ST18: variants seen among roughly 807,000 people sequenced by gnomAD.
ST18 encodes ST18 C2H2C-type zinc finger transcription factor, also known as suppression of tumorigenicity 18 protein.
Under a neutral mutation model 110.0 loss-of-function variants are expected in ST18, and 50 were observed. The observed-to-expected ratio is 0.45, with a 90% CI of 0.36 to 0.58. The LOEUF is 0.58. ST18 is among the 20% of genes least tolerant of loss of function. The pLI is 0.00. For synonymous variants in ST18, 461 were observed against 452.4 expected, an observed-to-expected ratio of 1.02 and a Z score of -0.24; for missense variants, 1,306 against 1,280.1, an observed-to-expected ratio of 1.02 and a Z score of -0.31.
intron 3 of ST18, among the ~76,000 whole-genome samples, chr8:52,228,090 T>G (rs965420871): frequency 6.6e-6 from 1 of 152,232 alleles, no homozygotes; most frequent in Non-Finnish European, 1.5e-5. Flanking sequence ...TTGATTGCTA[T>G]GCCAGTTAAG....
At chr8:52,262,014 G>A (rs543268069) in intron 2 of ST18, among the ~76,000 whole-genome samples, 59 of 152,278 alleles carry the variant, frequency 3.9e-4, no homozygotes, top group African/African-American at 1.4e-3. Flanking sequence ...TTAAGCTTAT[G>A]GTTTTGCAGA....
In ST18 at chr8:52,218,480, C is replaced by T. The variant is rs553789721; in HGVS notation, c.-156-579G>A. Among the ~76,000 whole-genome samples, 34 of 150,702 alleles carry T rather than the reference C, an allele frequency of 2.3e-4. No homozygotes were observed. In the East Asian group the frequency reaches 2.3e-3, roughly 10 times the overall value. On this transcript the variant is annotated intron_variant, in intron 5 of 25. Transcript: ENST00000689386. ...TCACTGCAACCTCACCTCTGCCTCC[C>T]GGGTTCAAGCGGTTCTCCTGCCTCA... is the stretch of plus-strand genomic sequence containing the variant.
At chr8:52,212,535 G>A (rs1472040364) in intron 7 of ST18, among the ~76,000 whole-genome samples, 1 of 152,080 alleles carries the variant, frequency 6.6e-6, no homozygotes, top group Non-Finnish European at 1.5e-5. Context: ...TATGTCCCAT[G>A]CTTTTACTCA....
chr8:52,197,652 A>C (rs555216690), intron 8 of ST18, among the ~76,000 whole-genome samples: 11 of 152,200 alleles, frequency 7.2e-5, no homozygotes, highest in Non-Finnish European at 1.6e-4. Flanking sequence ...GAAGAAGGAA[A>C]GATAAAATAA....
In ST18 at chr8:52,233,729, A is replaced by G. The variant is rs113394939; in HGVS notation, c.-464-3652T>C. ...TATTTTCATTGGCTTTCACCAGCCA[A>G]TTGGCTTCTCTCTAGATAACAGTGT... On this transcript the variant is annotated intron_variant, in intron 2 of 25. Coordinates refer to ENST00000689386, the MANE Select transcript of ST18 (RefSeq NM_001352837.2). 5.5e-3 allele frequency among the ~76,000 whole-genome samples: 831 copies of G among 152,318 alleles called. 8 individuals are homozygous for G. Among genetic ancestry groups the G allele is most frequent in the African/African-American group, 0.019 (770 of 41,558 alleles).
chr8:52,116,714 C>T (rs2042680733), intron 24 of ST18, among the ~76,000 whole-genome samples: 1 of 152,182 alleles, frequency 6.6e-6, no homozygotes, highest in Non-Finnish European at 1.5e-5. Context: ...CTATTTTCCC[C>T]AAACTTGCTC....
intron 2 of ST18, among the ~76,000 whole-genome samples, chr8:52,363,739 G>GT (rs201270825): frequency 9.8e-4 from 148 of 151,020 alleles, no homozygotes; most frequent in African/African-American, 2.8e-3. Context: ...AATTCAAGTG[G>GT]TTTTTTTTTC....
At chr8:52,288,636 G>A (rs2095506030) in intron 2 of ST18, among the ~76,000 whole-genome samples, 1 of 151,158 alleles carries the variant, frequency 6.6e-6, no homozygotes, top group African/African-American at 2.4e-5. Flanking sequence ...GGAGGTTGCA[G>A]TGAGCCGAGA....
chr8:52,309,544 A>AG (rs1356325861), intron 2 of ST18, among the ~76,000 whole-genome samples: 2 of 147,542 alleles, frequency 1.4e-5, no homozygotes, highest in East Asian at 3.9e-4. Context: ...AAAAAAAAAA[A>AG]GAAATCACGT....
At chr8:52,248,098 C>T (rs573895317) in intron 2 of ST18, among the ~76,000 whole-genome samples, 1 of 152,162 alleles carries the variant, frequency 6.6e-6, no homozygotes, top group South Asian at 2.1e-4. Context: ...AGTATGTGAC[C>T]TCTGATCATC....
intron 2 of ST18, among the ~76,000 whole-genome samples, chr8:52,318,726 T>A (rs892798424): frequency 2.6e-5 from 4 of 152,102 alleles, no homozygotes; most frequent in African/African-American, 7.2e-5. Context: ...GTGGTACATA[T>A]ACACCATGGA....
intron 2 of ST18, among the ~76,000 whole-genome samples, chr8:52,306,029 G>A (rs963540375): frequency 4.6e-5 from 7 of 152,102 alleles, no homozygotes; most frequent in South Asian, 2.1e-4. Context: ...GTGGCCTGAC[G>A]TCCTCCCCTA....
Position 52,304,614 on chromosome 8 carries a change from ATTG to A in ST18, c.-464-74540_-464-74538del, listed in dbSNP as rs1218585843. ...AAGTTAAATGAACAATGATTTCCAT[ATTG>A]TTGGATTTAGGATGATTTTCTTTTT... On this transcript the variant is annotated intron_variant, in intron 2 of 25. Coordinates refer to ENST00000689386, the MANE Select transcript of ST18 (RefSeq NM_001352837.2). 3.9e-5 allele frequency among the ~76,000 whole-genome samples: 6 copies of A among 152,198 alleles called. No homozygotes were observed. The East Asian group carries it at 1.2e-3, about 29-fold the overall frequency.
At chr8:52,287,293 AG>A (rs2095486466) in intron 2 of ST18, among the ~76,000 whole-genome samples, 1 of 152,220 alleles carries the variant, frequency 6.6e-6, no homozygotes, top group South Asian at 2.1e-4. Flanking sequence ...AGCATTACAT[AG>A]TATGCTAAGA....
At chr8:52,282,302 C>T (rs1186265126) in intron 2 of ST18, among the ~76,000 whole-genome samples, 1 of 152,138 alleles carries the variant, frequency 6.6e-6, no homozygotes, top group Non-Finnish European at 1.5e-5. Context: ...TTATTAAACC[C>T]ATCTAATAAT....
chr8:52,212,165 T>G, intron 7 of ST18, 56 bp from the exon 8 acceptor site: 1 of 1,542,654 alleles, frequency 6.5e-7, no homozygotes, highest in Non-Finnish European at 8.7e-7. Context: ...TTTTCAAAAC[T>G]GTATAATGGA....
At chr8:52,319,224 G>T (rs7009099) in intron 2 of ST18, among the ~76,000 whole-genome samples, 1 of 151,810 alleles carries the variant, frequency 6.6e-6, no homozygotes, top group Admixed American at 6.6e-5. Context: ...CATTTTTGTC[G>T]ATTTCAGGTA....
At chr8:52,316,856 G>A (rs1404190612) in intron 2 of ST18, among the ~76,000 whole-genome samples, 3 of 152,170 alleles carry the variant, frequency 2.0e-5, no homozygotes, top group African/African-American at 7.2e-5. Flanking sequence ...CCAGAACCAT[G>A]CATGAAAGTA....
chr8:52,233,671 G>A (rs1009233850), intron 2 of ST18, among the ~76,000 whole-genome samples: 2 of 152,006 alleles, frequency 1.3e-5, no homozygotes, highest in South Asian at 2.1e-4. Flanking sequence ...TATATCAGGC[G>A]TTTCGTCCAA....
Sources: gnomAD v4.1 joint callset for allele counts (sites outside exome capture counted in the v4.1 genomes callset) on GRCh38, gnomAD v4.1.1 for gene constraint, MANE v1.5 for transcripts, NCBI Gene and HGNC (gene_info 2026-07-23, HGNC 2026-07-21) for gene names.